The following NF1 variants were observed in gnomAD, a reference collection of about 807,000 sequenced individuals.
NF1 encodes neurofibromin.
NF1 carries 122 observed loss-of-function variants against 325.7 expected under a neutral mutation model. That is an observed-to-expected ratio of 0.37 (90% confidence interval 0.32 to 0.44). NF1 has a LOEUF of 0.44. Among genes scored for constraint, NF1 ranks in the 20% least tolerant of loss-of-function variants. The pLI, the probability that NF1 is intolerant of heterozygous loss-of-function variation, is 1.00. For missense variants in NF1, 2,140 were observed against 3,415.4 expected, an observed-to-expected ratio of 0.63 and a Z score of 9.31; for synonymous variants, 1,091 against 1,186.0, an observed-to-expected ratio of 0.92 and a Z score of 1.65.
intron 36 of NF1, among the ~76,000 whole-genome samples, chr17:31,286,295 C>CCA (rs2068225853): frequency 6.6e-6 from 1 of 152,012 alleles, no homozygotes; most frequent in Non-Finnish European, 1.5e-5. Flanking sequence ...GGGTTTTGCT[C>CCA]TGTTGGCCAG....
rs766323701 is a variant in NF1 at position 31,340,541 on chromosome 17, G to A, written c.6958G>A (p.Val2320Met). 6.2e-7 allele frequency: 1 copy of A among 1,614,010 alleles called. No individual in the cohort carries two copies. Among genetic ancestry groups the A allele is most frequent in the Non-Finnish European group, 8.5e-7 (1 of 1,180,020 alleles). Residue 2320 changes from valine to methionine, a missense_variant, in exon 47 of 58, where the codon GTG becomes ATG. Around this residue, in one of 10 missense-constraint regions of NF1, gnomAD observed 522 missense variants for 749.0 expected, o/e 0.70. Coordinates refer to ENST00000358273, the MANE Select transcript of NF1 (RefSeq NM_001042492.3). ...GCACAAAGCCCTCTTTTGGGTAGCTGTGGCTGTGCTGCAGCTTGATGAGGT... is the reference window on the plus strand; with the variant it reads ...GCACAAAGCCCTCTTTTGGGTAGCTATGGCTGTGCTGCAGCTTGATGAGGT... Reference protein sequence around the residue: ...PLHKALFWVAVAVLQLDEVNL... With the variant: ...PLHKALFWVAMAVLQLDEVNL...
intron 17 of NF1, among the ~76,000 whole-genome samples, chr17:31,225,514 T>G (rs1292394015): frequency 6.6e-6 from 1 of 152,126 alleles, no homozygotes; most frequent in Non-Finnish European, 1.5e-5. Flanking sequence ...AAATAGCACT[T>G]GACACTTACA....
At chr17:31,263,031 A>G (rs865988352) in intron 35 of NF1, among the ~76,000 whole-genome samples, 10 of 145,520 alleles carry the variant, frequency 6.9e-5, no homozygotes, top group African/African-American at 2.7e-4. Flanking sequence ...AGATAGATAG[A>G]TAGATAGGTA....
In NF1 at chr17:31,336,607, T is replaced by TTTAA; in HGVS notation, c.6148-28_6148-27insTTAA. 6.9e-7 allele frequency: 1 copy of TTTAA among 1,456,546 alleles called. No individual in the cohort carries two copies. Among genetic ancestry groups the TTTAA allele is most frequent in the African/African-American group, 1.5e-5 (1 of 68,296 alleles). The allele number at this position is 1,456,546 out of a possible 1,614,324, so 90.2% of individuals were successfully genotyped here. ...ACTTTGAGTCCCATGTTTTTTTTTT[T>TTTAA]AAAAAAAAAAATCCTGCTTCTTTAC... On this transcript the variant is annotated intron_variant, in intron 41 of 57. Transcript: ENST00000358273. The surrounding 1 kb of genome is among the most constrained non-coding windows in gnomAD (Gnocchi z 5.5).
intron 36 of NF1, among the ~76,000 whole-genome samples, chr17:31,279,161 C>T (rs989930253): frequency 9.9e-5 from 15 of 152,102 alleles, no homozygotes; most frequent in African/African-American, 3.1e-4. Context: ...GCAAGTAGAT[C>T]GCCTGACCCC....
At chr17:31,274,020 A>G (rs1031665299) in intron 36 of NF1, among the ~76,000 whole-genome samples, 30 of 152,176 alleles carry the variant, frequency 2.0e-4, no homozygotes, top group African/African-American at 6.8e-4. Context: ...GGCAGTTTCT[A>G]CCCATGGTTA....
chr17:31,131,263 T>C (rs1281916065), intron 1 of NF1, among the ~76,000 whole-genome samples: 1 of 152,224 alleles, frequency 6.6e-6, no homozygotes, highest in Non-Finnish European at 1.5e-5. Flanking sequence ...CAGCTTTCCC[T>C]GCCAGCTCAA....
intron 36 of NF1, among the ~76,000 whole-genome samples, chr17:31,265,581 G>T (rs892394579): frequency 7.3e-5 from 11 of 151,552 alleles, no homozygotes; most frequent in Admixed American, 6.6e-4. Context: ...TTAAAATACT[G>T]CCTGCAATGG....
chr17:31,226,318 GACACACACACACACACACACACAC>G, intron 17 of NF1, 93 bp from the exon 18 acceptor site: 1 of 688,220 alleles, frequency 1.5e-6, no homozygotes, highest in African/African-American at 2.0e-5. Context: ...TGTATGCGGA[GACACACACACACACACACACACAC>G]ACACACACAC....
intron 40 of NF1, among the ~76,000 whole-genome samples, chr17:31,335,853 A>AT (rs71360768): frequency 0.037 from 4,142 of 112,754 alleles, 224 homozygotes; most frequent in African/African-American, 0.13. Context: ...TAATTTTTGT[A>AT]TTTTTTTTTT....
chr17:31,143,347 G>A (rs1260838345), intron 1 of NF1, among the ~76,000 whole-genome samples: 3 of 151,828 alleles, frequency 2.0e-5, no homozygotes, highest in Non-Finnish European at 2.9e-5. Context: ...GCTCACTGCA[G>A]CCTCAACCTC....
chr17:31,186,981 G>A (rs781032425), intron 8 of NF1, among the ~76,000 whole-genome samples: 25 of 152,142 alleles, frequency 1.6e-4, no homozygotes, highest in East Asian at 3.8e-4. Flanking sequence ...CTTCCATCAC[G>A]GAAAGGGCAG....
In NF1 at chr17:31,100,241, C is replaced by T. The variant is rs142549475; in HGVS notation, c.60+4872C>T. Reference sequence around the variant, plus strand: ...TTCATCTGAATGTACGTTGAATATGCGGTGAGTGATTCACAGTATAAAATG... The same window carrying T: ...TTCATCTGAATGTACGTTGAATATGTGGTGAGTGATTCACAGTATAAAATG... On this transcript the variant is annotated intron_variant, in intron 1 of 57. Coordinates refer to ENST00000358273, the MANE Select transcript of NF1 (RefSeq NM_001042492.3). Among the ~76,000 whole-genome samples the T allele has an allele frequency of 9.5e-3, 1,443 of 152,218 alleles. 24 individuals are homozygous for T. Among genetic ancestry groups the T allele is most frequent in the African/African-American group, 0.033 (1,358 of 41,526 alleles).
intron 42 of NF1, among the ~76,000 whole-genome samples, 164 bp downstream of exon 42, chr17:31,337,078 C>G (rs1055263224): frequency 6.6e-6 from 1 of 152,120 alleles, no homozygotes; most frequent in Non-Finnish European, 1.5e-5. Context: ...TAAATTACTT[C>G]CATTCCATAT....
Position 31,350,339 on chromosome 17 carries a change from A to T in NF1, c.7457+21A>T, listed in dbSNP as rs17881641. 5.0e-6 allele frequency: 8 copies of T among 1,602,306 alleles called. No homozygotes were observed. In the East Asian group the frequency reaches 1.8e-4, roughly 36 times the overall value. On this transcript the variant is annotated intron_variant, in intron 50 of 57. Transcript: ENST00000358273. ...TATAGGTAAGTGGATTTACTCTCCT[A>T]TAATTACATAATCATAATCAAGTTT...
In NF1 at chr17:31,154,746, T is replaced by A. The variant is rs1423643898; in HGVS notation, c.61-1237T>A. On this transcript the variant is annotated intron_variant, in intron 1 of 57. Coordinates refer to ENST00000358273, the MANE Select transcript of NF1 (RefSeq NM_001042492.3). ...TTTAGTATTTCCTTTTTTTTTTTTTTTTTTTTTTATTTGAGATGGAGTCTC... is the reference window on the plus strand; with the variant it reads ...TTTAGTATTTCCTTTTTTTTTTTTTATTTTTTTTATTTGAGATGGAGTCTC... Among the ~76,000 whole-genome samples, 3 of 146,900 alleles carry A rather than the reference T, an allele frequency of 2.0e-5. No homozygotes were observed. The East Asian group carries it at 5.9e-4, about 29-fold the overall frequency.
intron 8 of NF1, among the ~76,000 whole-genome samples, chr17:31,189,801 G>C (rs1597668358): frequency 9.3e-6 from 1 of 107,900 alleles, no homozygotes; most frequent in African/African-American, 3.5e-5. Context: ...CACTCTTGTT[G>C]CCCAGGCTGG....
chr17:31,143,739 T>G (rs913487209), intron 1 of NF1, among the ~76,000 whole-genome samples: 1 of 152,232 alleles, frequency 6.6e-6, no homozygotes, highest in Non-Finnish European at 1.5e-5. Context: ...AATTTGTACT[T>G]GTACAGATTG....
At chr17:31,304,384 T>C in intron 36 of NF1, 1 of 1,614,106 alleles carries the variant, frequency 6.2e-7, no homozygotes, top group Non-Finnish European at 8.5e-7. Context: ...TTTCATAAAA[T>C]CTACTGGTGG....
Sources: allele counts gnomAD v4.1 joint callset (sites outside exome capture counted in the v4.1 genomes callset), GRCh38; gene constraint gnomAD v4.1.1; regional missense constraint gnomAD v4.1.1; non-coding constraint Gnocchi (gnomAD v3.1); transcripts MANE v1.5; gene names NCBI Gene and HGNC (gene_info 2026-07-23, HGNC 2026-07-21).